CD58: variants seen among roughly 807,000 people sequenced by gnomAD.
CD58 encodes lymphocyte function-associated antigen 3.
A neutral mutation model predicts 27.6 loss-of-function variants in CD58; 14 were observed. That is an observed-to-expected ratio of 0.51 (90% confidence interval 0.34 to 0.79). CD58 has a LOEUF of 0.79. Ranked by LOEUF, CD58 falls within the 30% of genes least tolerant of loss-of-function variation. The pLI, the probability that CD58 is intolerant of heterozygous loss-of-function variation, is 0.02. For missense variants in CD58, 268 were observed against 301.7 expected, an observed-to-expected ratio of 0.89 and a Z score of 0.83; for synonymous variants, 117 against 103.8, an observed-to-expected ratio of 1.13 and a Z score of -0.77.
chr1:116,522,519 T>A lies in CD58; in HGVS notation c.629-536A>T, dbSNP rs1657291282. Reference sequence around the variant, plus strand: ...CAGAGACACACATAAAACAAGGTTATAAACAGATCATTAACAAAAATCTTA... The same window carrying A: ...CAGAGACACACATAAAACAAGGTTAAAAACAGATCATTAACAAAAATCTTA... On this transcript the variant is annotated intron_variant, in intron 3 of 5. Transcript: ENST00000369489. This position sits in a 1 kb window ranked among gnomAD's most constrained non-coding sequence, Gnocchi z 4.6. Among the ~76,000 whole-genome samples, 1 of 152,226 alleles carries A rather than the reference T, an allele frequency of 6.6e-6. No homozygotes were observed. The highest frequency in any genetic ancestry group is 2.4e-5 in the African/African-American group (1 of 41,460).
At position 116,524,144 on chromosome 1, in the gene CD58, T is replaced by C. The variant is rs1019106730; in HGVS notation, c.629-2161A>G. Among the ~76,000 whole-genome samples, 5 of 152,220 alleles carry C rather than the reference T, an allele frequency of 3.3e-5. No homozygotes were observed. The highest frequency in any genetic ancestry group is 7.3e-5 in the Non-Finnish European group (5 of 68,036). ...GATACTCAAGGCTTATTTTAATGCA[T>C]TCCATGCCCCAGGTATGGAATCAGC... On this transcript the variant is annotated intron_variant, in intron 3 of 5. Coordinates refer to ENST00000369489, the MANE Select transcript of CD58 (RefSeq NM_001779.3). The surrounding 1 kb of genome is among the most constrained non-coding windows in gnomAD (Gnocchi z 4.6).
chr1:116,556,565 C>A (rs1336477194), intron 1 of CD58, among the ~76,000 whole-genome samples: 1 of 152,188 alleles, frequency 6.6e-6, no homozygotes, highest in Non-Finnish European at 1.5e-5. Flanking sequence ...TTAAGCACAC[C>A]TCCAAACCTA....
Position 116,517,772 on chromosome 1 carries a change from G to A in CD58, c.743+1459C>T, listed in dbSNP as rs944025570. Among the ~76,000 whole-genome samples, 2 of 152,108 alleles carry A rather than the reference G, an allele frequency of 1.3e-5. No homozygotes were observed. Among genetic ancestry groups the A allele is most frequent in the African/African-American group, 2.4e-5 (1 of 41,408 alleles). On this transcript the variant is annotated intron_variant, in intron 5 of 5. Coordinates refer to ENST00000369489, the MANE Select transcript of CD58 (RefSeq NM_001779.3). The surrounding 1 kb of genome is among the most constrained non-coding windows in gnomAD (Gnocchi z 6.5). Reference sequence around the variant, plus strand: ...CATCAATTACTGTCCAGATGAAGAGGCGCCCCAATCCGTAACTCTAGCGTG... The same window carrying A: ...CATCAATTACTGTCCAGATGAAGAGACGCCCCAATCCGTAACTCTAGCGTG...
chr1:116,552,237 A>C lies in CD58; in HGVS notation c.71-7633T>G, dbSNP rs984156796. 4.6e-5 allele frequency among the ~76,000 whole-genome samples: 7 copies of C among 152,236 alleles called. No individual in the cohort carries two copies. The highest frequency in any genetic ancestry group is 1.7e-4 in the African/African-American group (7 of 41,474). On this transcript the variant is annotated intron_variant, in intron 1 of 5. Transcript: ENST00000369489. The surrounding 1 kb of genome is among the most constrained non-coding windows in gnomAD (Gnocchi z 4.5). ...GGAGAAGGAGAAAGATGGGGAGAACAGCCAGTCAGTGGAGCAGTCAGAACA... is the reference window on the plus strand; with the variant it reads ...GGAGAAGGAGAAAGATGGGGAGAACCGCCAGTCAGTGGAGCAGTCAGAACA...
At chr1:116,568,055 CAAA>C (rs34531651) in intron 1 of CD58, among the ~76,000 whole-genome samples, 14 of 81,702 alleles carry the variant, frequency 1.7e-4, no homozygotes, top group Admixed American at 4.0e-4. Flanking sequence ...CTTAAAGTAC[CAAA>C]AAAAAAAAAA....
At chr1:116,568,229 T>G (rs1222654063) in intron 1 of CD58, among the ~76,000 whole-genome samples, 1 of 152,176 alleles carries the variant, frequency 6.6e-6, no homozygotes, top group Non-Finnish European at 1.5e-5. Flanking sequence ...TGGAGAATGC[T>G]CTTGTTCTTA....
rs1658850819 is a variant in CD58, at chr1:116,563,928, T to C, written c.70+6975A>G. On this transcript the variant is annotated intron_variant, in intron 1 of 5. Coordinates refer to ENST00000369489, the MANE Select transcript of CD58 (RefSeq NM_001779.3). This position sits in a 1 kb window ranked among gnomAD's most constrained non-coding sequence, Gnocchi z 4.1. ...AAATTTCTGCAGCTGGCTTGAATTT[T>C]TCCTCAGAAAAGGGGTTTTTCTTTT... is the stretch of plus-strand genomic sequence containing the variant. 6.6e-6 allele frequency among the ~76,000 whole-genome samples: 1 copy of C among 152,252 alleles called. No individual in the cohort carries two copies. Among genetic ancestry groups the C allele is most frequent in the African/African-American group, 2.4e-5 (1 of 41,478 alleles).
Position 116,528,061 on chromosome 1 carries a change from C to A in CD58, c.629-6078G>T, listed in dbSNP as rs992608747. Among the ~76,000 whole-genome samples the A allele has an allele frequency of 1.3e-5, 2 of 152,172 alleles. No homozygotes were observed. Among genetic ancestry groups the A allele is most frequent in the African/African-American group, 4.8e-5 (2 of 41,446 alleles). ...TATAGGCATAAGCCACTGCACGCAG[C>A]GTTCTTTCTCAATTTTTAAAAGCAG... On this transcript the variant is annotated intron_variant, in intron 3 of 5. Transcript: ENST00000369489. The surrounding 1 kb of genome is among the most constrained non-coding windows in gnomAD (Gnocchi z 4.4).
rs543912006 is a variant in CD58, at chr1:116,544,533, T to C, written c.142A>G (p.Asn48Asp). Residue 48 changes from asparagine (N) to aspartate (D), a missense_variant, in exon 2 of 6, where the codon AAT (asparagine) becomes GAT (aspartate). Coordinates refer to ENST00000369489, the MANE Select transcript of CD58 (RefSeq NM_001779.3). ...YGNVTFHVPS[N>D]VPLKEVLWKK... The stretch of plus-strand genomic sequence containing the variant: ...CATAGGACCTCTTTTAAAGGCACAT[T>C]GCTTGGTACATGGAAAGTTACATTC... 4.2e-5 allele frequency: 68 copies of C among 1,613,584 alleles called. No individual in the cohort carries two copies. The African/African-American group carries it at 8.3e-4, about 20-fold the overall frequency.
At chr1:116,533,690 C>A in intron 3 of CD58, 2 of 680,852 alleles carry the variant, frequency 2.9e-6, no homozygotes, top group Non-Finnish European at 5.5e-6. Flanking sequence ...CTGTCTCCAG[C>A]CAATTTCTCC....
rs1658199208 is a variant in CD58 at position 116,546,952 on chromosome 1, T to C, written c.71-2348A>G. 6.6e-6 allele frequency among the ~76,000 whole-genome samples: 1 copy of C among 152,216 alleles called. No homozygotes were observed. Among genetic ancestry groups the C allele is most frequent in the African/African-American group, 2.4e-5 (1 of 41,454 alleles). On this transcript the variant is annotated intron_variant, in intron 1 of 5. Transcript: ENST00000369489. This position sits in a 1 kb window ranked among gnomAD's most constrained non-coding sequence, Gnocchi z 4.1. ...AGGATGAAGACCTTTGATGATCCAC[T>C]TTCACTTAGTAAGTATATTTTCTTC...
At chr1:116,540,530 T>C (rs1657956612) in intron 2 of CD58, among the ~76,000 whole-genome samples, 1 of 152,318 alleles carries the variant, frequency 6.6e-6, no homozygotes, top group Admixed American at 6.5e-5. Flanking sequence ...ATCATAAGTA[T>C]GCACCATCAC....
In CD58 at chr1:116,570,810, G is replaced by C. The variant is rs1659114715; in HGVS notation, c.70+93C>G. ...GACCCGTCCCCACCCGTCTCTGATC[G>C]GCAACCGCCTCGAGCCCGGCGCGTC... is the stretch of plus-strand genomic sequence containing the variant. On this transcript the variant is annotated intron_variant, in intron 1 of 5. Coordinates refer to ENST00000369489, the MANE Select transcript of CD58 (RefSeq NM_001779.3). This position sits in a 1 kb window ranked among gnomAD's most constrained non-coding sequence, Gnocchi z 6.4. 5.0e-6 allele frequency: 5 copies of C among 991,190 alleles called. No individual in the cohort carries two copies. Among genetic ancestry groups the C allele is most frequent in the Non-Finnish European group, 5.9e-6 (4 of 683,314 alleles). 61.4% of individuals were successfully genotyped at this position (991,190 alleles called of 1,614,324 possible).
chr1:116,518,519 C>T (rs1657157688), intron 5 of CD58, among the ~76,000 whole-genome samples: 2 of 152,044 alleles, frequency 1.3e-5, no homozygotes, highest in African/African-American at 4.8e-5. Flanking sequence ...CCTGCCAGCC[C>T]AGCCCCATCT....
chr1:116,561,618 T>A (rs992196968), intron 1 of CD58, among the ~76,000 whole-genome samples: 2 of 152,206 alleles, frequency 1.3e-5, no homozygotes, highest in African/African-American at 4.8e-5. Context: ...TAGCAGAATT[T>A]CATTGGACAA....
Position 116,535,840 on chromosome 1 carries a change from CAAAAAAAAAA to C in CD58, c.628+115_628+124del, listed in dbSNP as rs35445069. On this transcript the variant is annotated intron_variant, in intron 3 of 5. Transcript: ENST00000369489. ...TGGGCGACAGAGCGAGACTCTGTCTCAAAAAAAAAAAAAAAAAAAAAAAAAAAATTGTAAC... is the reference window on the plus strand; with the variant it reads ...TGGGCGACAGAGCGAGACTCTGTCTCAAAAAAAAAAAAAAAAAATTGTAAC... 9.8e-5 allele frequency: 15 copies of C among 153,034 alleles called. 2 individuals carry two copies. Among genetic ancestry groups the C allele is most frequent in the East Asian group, 4.8e-4 (1 of 2,092 alleles). The allele number at this position is 153,034 out of a possible 1,614,324, so 9.5% of individuals were successfully genotyped here.
Position 116,519,131 on chromosome 1 carries a change from C to A in CD58, c.743+100G>T, listed in dbSNP as rs1189275790. 1.3e-6 allele frequency: 2 copies of A among 1,569,300 alleles called. No homozygotes were observed. The highest frequency in any genetic ancestry group is 1.7e-6 in the Non-Finnish European group (2 of 1,154,902). ...TGTTACTTCTTATTACTGTACAAGG[C>A]AACCAACAGATGAGTACAATCTGGC... On this transcript the variant is annotated intron_variant, in intron 5 of 5. Transcript: ENST00000369489. This position sits in a 1 kb window ranked among gnomAD's most constrained non-coding sequence, Gnocchi z 4.7.
At chr1:116,529,873 T>C (rs140732750) in intron 3 of CD58, among the ~76,000 whole-genome samples, 1 of 152,290 alleles carries the variant, frequency 6.6e-6, no homozygotes, top group African/African-American at 2.4e-5. Flanking sequence ...GCAGTGACGG[T>C]ATGACAGTAG....
chr1:116,554,776 A>G (rs1173683418), intron 1 of CD58, among the ~76,000 whole-genome samples: 2 of 152,128 alleles, frequency 1.3e-5, no homozygotes, highest in Non-Finnish European at 2.9e-5. Flanking sequence ...TAATATTAAA[A>G]CTATGTAAAT....
Sources: allele counts gnomAD v4.1 joint callset (sites outside exome capture counted in the v4.1 genomes callset), GRCh38; gene constraint gnomAD v4.1.1; non-coding constraint Gnocchi (gnomAD v3.1); transcripts MANE v1.5; gene names NCBI Gene and HGNC (gene_info 2026-07-23, HGNC 2026-07-21).